RFTN1: variants seen among roughly 807,000 people sequenced by gnomAD.
RFTN1 encodes the protein raftlin, lipid raft linker 1, also known as raftlin.
RFTN1 carries 26 observed loss-of-function variants against 46.5 expected under a neutral mutation model. That is an observed-to-expected ratio of 0.56 (90% CI 0.41 to 0.78). The LOEUF (loss-of-function observed/expected upper bound fraction) is 0.78, where lower values mean the gene tolerates loss of function less well. Among genes scored for constraint, RFTN1 ranks in the 30% least tolerant of loss-of-function variants. The pLI is 0.00. For missense variants in RFTN1, 693 were observed against 718.7 expected (o/e 0.96, Z 0.41); for synonymous variants, 261 against 284.2 (o/e 0.92, Z 0.82).
In RFTN1 at chr3:16,493,721, T is replaced by G; in HGVS notation, c.145+4A>C. The G allele has an allele frequency of 6.6e-7, 1 of 1,509,954 alleles. No individual in the cohort carries two copies. Among genetic ancestry groups the G allele is most frequent in the Non-Finnish European group, 8.9e-7 (1 of 1,117,460 alleles). The allele number at this position is 1,509,954 out of a possible 1,614,324, so 93.5% of individuals were successfully genotyped here. A position where few individuals can be genotyped will look rare whatever the true frequency, so the allele number is the denominator to read the frequency against. The stretch of plus-strand genomic sequence containing the variant: ...CCCCATCCATTCCCACCCCATGTAC[T>G]CACCAGCACTCAGAGTCGTGAACTC... On this transcript the variant is annotated splice_donor_region_variant and intron_variant, in intron 2 of 9. Transcript: ENST00000334133.
At chr3:16,503,090 C>T (rs1015239717) in intron 1 of RFTN1, among the ~76,000 whole-genome samples, 2 of 152,138 alleles carry the variant, frequency 1.3e-5, no homozygotes, top group African/African-American at 4.8e-5. Context: ...TGCTTACCCC[C>T]ACTCCTCCAA....
At chr3:16,436,154 T>C (rs1559346469) in intron 2 of RFTN1, among the ~76,000 whole-genome samples, 1 of 151,968 alleles carries the variant, frequency 6.6e-6, no homozygotes, top group Non-Finnish European at 1.5e-5. Flanking sequence ...ATTAAACATT[T>C]CATATTTAAA....
chr3:16,494,679 T>C (rs116463932), intron 1 of RFTN1, among the ~76,000 whole-genome samples: 20 of 152,210 alleles, frequency 1.3e-4, no homozygotes, highest in Admixed American at 2.0e-4. Flanking sequence ...CAATCTTCCA[T>C]GGGATTAAAA....
chr3:16,412,838 TG>T (rs1486236010), intron 3 of RFTN1, among the ~76,000 whole-genome samples: 1 of 152,254 alleles, frequency 6.6e-6, no homozygotes, highest in African/African-American at 2.4e-5. Context: ...GGGTAGTCCC[TG>T]GCCAACAGCT....
In RFTN1 at chr3:16,481,299, A is replaced by C. The variant is rs2076362979; in HGVS notation, c.145+12426T>G. 2.0e-5 allele frequency among the ~76,000 whole-genome samples: 3 copies of C among 152,352 alleles called. No homozygotes were observed. In the South Asian group the frequency reaches 6.2e-4, roughly 32 times the overall value. ...GCTTTGCTCAGAAAAACTTAAAGCT[A>C]CGTCACACATATTATCTCATTTATC... On this transcript the variant is annotated intron_variant, in intron 2 of 9. Transcript: ENST00000334133. The surrounding 1 kb of genome is among the most constrained non-coding windows in gnomAD (Gnocchi z 5.1).
chr3:16,358,615 T>C (rs1410075887), intron 6 of RFTN1, among the ~76,000 whole-genome samples: 1 of 152,092 alleles, frequency 6.6e-6, no homozygotes, highest in African/African-American at 2.4e-5. Flanking sequence ...AATTTACCAC[T>C]GGAAATGTTT....
intron 6 of RFTN1, among the ~76,000 whole-genome samples, chr3:16,369,100 G>A (rs568833470): frequency 6.6e-6 from 1 of 152,324 alleles, no homozygotes; most frequent in East Asian, 1.9e-4. Context: ...AGAGCTGTCT[G>A]TGCTGTATCA....
chr3:16,441,984 T>C (rs1288851596), intron 2 of RFTN1, among the ~76,000 whole-genome samples: 4 of 152,222 alleles, frequency 2.6e-5, no homozygotes, highest in Admixed American at 1.3e-4. Context: ...ATTTTTAAAA[T>C]AATGTTTGCA....
chr3:16,393,549 T>C (rs2125407420), intron 4 of RFTN1, among the ~76,000 whole-genome samples: 1 of 152,334 alleles, frequency 6.6e-6, no homozygotes, highest in South Asian at 2.1e-4. Context: ...TCTCTCACAA[T>C]ATAAGGACTC....
intron 4 of RFTN1, among the ~76,000 whole-genome samples, chr3:16,391,693 A>G: frequency 6.6e-6 from 1 of 152,118 alleles, no homozygotes; most frequent in Non-Finnish European, 1.5e-5. Flanking sequence ...TCACAAAATG[A>G]GGGTATATGG....
Position 16,361,460 on chromosome 3 carries a change from G to A in RFTN1, c.1031-3413C>T, listed in dbSNP as rs1449477765. 6.6e-6 allele frequency among the ~76,000 whole-genome samples: 1 copy of A among 152,148 alleles called. No homozygotes were observed. The highest frequency in any genetic ancestry group is 1.5e-5 in the Non-Finnish European group (1 of 68,026). ...CTAGAAAAATACTAAGTGGGCCAAG[G>A]GGAGAGTGTGAAGGTGGACACAGTG... On this transcript the variant is annotated intron_variant, in intron 6 of 9. Coordinates refer to ENST00000334133, the MANE Select transcript of RFTN1 (RefSeq NM_015150.2). The surrounding 1 kb of genome is among the most constrained non-coding windows in gnomAD (Gnocchi z 4.3).
Position 16,447,712 on chromosome 3 carries a change from G to A in RFTN1, c.146-13675C>T, listed in dbSNP as rs760188834. On this transcript the variant is annotated intron_variant, in intron 2 of 9. Coordinates refer to ENST00000334133, the MANE Select transcript of RFTN1 (RefSeq NM_015150.2). The surrounding 1 kb of genome is among the most constrained non-coding windows in gnomAD (Gnocchi z 5.9). ...GGGATGTTCTTCAGACTAATACAAC[G>A]AAGCAATCAGGTGAAAATCATTTCT... is the stretch of plus-strand genomic sequence containing the variant. 5.9e-5 allele frequency among the ~76,000 whole-genome samples: 9 copies of A among 152,184 alleles called. No individual in the cohort carries two copies. The highest frequency in any genetic ancestry group is 1.0e-4 in the Non-Finnish European group (7 of 68,028).
chr3:16,367,713 G>A (rs1194434278), intron 6 of RFTN1, among the ~76,000 whole-genome samples: 1 of 152,228 alleles, frequency 6.6e-6, no homozygotes, highest in African/African-American at 2.4e-5. Flanking sequence ...AGCTGCTTAA[G>A]TTGTCTGCAT....
rs144404179 is a variant in RFTN1, at chr3:16,494,902, T to C, written c.-8-1025A>G. Among the ~76,000 whole-genome samples the C allele has an allele frequency of 3.3e-5, 5 of 152,330 alleles. No homozygotes were observed. The South Asian group carries it at 6.2e-4, about 19-fold the overall frequency. ...TCACACACAGAAACCCAGTGACCGC[T>C]TCCTTTTAGAGATAAGAATTTCCTT... On this transcript the variant is annotated intron_variant, in intron 1 of 9. Transcript: ENST00000334133.
At position 16,403,589 on chromosome 3, in the gene RFTN1, T is replaced by TATATATA. The variant is rs1300609174; in HGVS notation, c.441+5779_441+5785dup. On this transcript the variant is annotated intron_variant, in intron 4 of 9. Coordinates refer to ENST00000334133, the MANE Select transcript of RFTN1 (RefSeq NM_015150.2). ...ACACACACACATATATTATATTTTA[T>TATATATA]ATATATAATATATAATATATATATA... 2.1e-4 allele frequency among the ~76,000 whole-genome samples: 15 copies of TATATATA among 72,678 alleles called. 4 individuals carry two copies. Among genetic ancestry groups the TATATATA allele is most frequent in the East Asian group, 2.0e-3 (5 of 2,448 alleles). 47.7% of individuals were successfully genotyped at this position (72,678 alleles called of 152,430 possible).
intron 5 of RFTN1, among the ~76,000 whole-genome samples, chr3:16,375,598 A>G (rs1487227814): frequency 2.0e-5 from 3 of 152,134 alleles, no homozygotes; most frequent in Admixed American, 6.5e-5. Flanking sequence ...AGGAGGGAAA[A>G]GGGATAATAG....
rs912592269 is a variant in RFTN1 at position 16,356,211 on chromosome 3, G to A, written c.1146+1721C>T. The stretch of plus-strand genomic sequence containing the variant: ...CCTGCCCACACTCGCTTGGCATCTT[G>A]GACTGAGCTTTACTTCCTCTGCATC... On this transcript the variant is annotated intron_variant, in intron 7 of 9. Transcript: ENST00000334133. This position sits in a 1 kb window ranked among gnomAD's most constrained non-coding sequence, Gnocchi z 4.9. Among the ~76,000 whole-genome samples the A allele has an allele frequency of 2.6e-5, 4 of 152,142 alleles. No individual in the cohort carries two copies. Among genetic ancestry groups the A allele is most frequent in the Admixed American group, 1.3e-4 (2 of 15,276 alleles).
chr3:16,354,348 TAC>T (rs1223433695), intron 7 of RFTN1, among the ~76,000 whole-genome samples: 3 of 152,348 alleles, frequency 2.0e-5, no homozygotes, highest in Admixed American at 1.3e-4. Flanking sequence ...ACCAAGGAGT[TAC>T]AGTCTTCCCA....
chr3:16,504,880 C>T lies in RFTN1; in HGVS notation c.-9+8562G>A, dbSNP rs894790334. On this transcript the variant is annotated intron_variant, in intron 1 of 9. Transcript: ENST00000334133. This position sits in a 1 kb window ranked among gnomAD's most constrained non-coding sequence, Gnocchi z 4.4. ...GCCCCACAGAATGCAGCACCTTGCC[C>T]AACAAGCTTGCTCTTCCTCCTGCAT... Among the ~76,000 whole-genome samples, 2 of 152,158 alleles carry T rather than the reference C, an allele frequency of 1.3e-5. No individual in the cohort carries two copies. The highest frequency in any genetic ancestry group is 2.9e-5 in the Non-Finnish European group (2 of 68,030).
Sources: gnomAD v4.1 joint callset for allele counts (sites outside exome capture counted in the v4.1 genomes callset) on GRCh38, gnomAD v4.1.1 for gene constraint, Gnocchi (gnomAD v3.1) non-coding constraint, MANE v1.5 for transcripts, NCBI Gene and HGNC (gene_info 2026-07-23, HGNC 2026-07-21) for gene names.